RPS3: variants seen among roughly 807,000 people sequenced by gnomAD.
RPS3 encodes the protein small ribosomal subunit protein uS3.
A neutral mutation model predicts 25.8 loss-of-function variants in RPS3; 2 were observed. The observed-to-expected ratio is 0.08, with a 90% confidence interval of 0.03 to 0.24. The LOEUF (loss-of-function observed/expected upper bound fraction) is 0.24, where lower values mean the gene tolerates loss of function less well. Among genes scored for constraint, RPS3 ranks in the 10% least tolerant of loss-of-function variants. RPS3 has a pLI of 1.00. For missense variants in RPS3, 107 were observed against 307.1 expected (o/e 0.35, Z 4.87); for synonymous variants, 114 against 114.2 (o/e 1.00, Z 0.01).
At chr11:75,401,784 T>G (rs1473041514) in intron 3 of RPS3, 51 bp downstream of exon 3, 10 of 1,000,220 alleles carry the variant, frequency 1.0e-5, no homozygotes, top group Non-Finnish European at 1.6e-5. Context: ...GAATGATACT[T>G]CTAAAAACTC....
intron 6 of RPS3, among the ~76,000 whole-genome samples, chr11:75,413,247 A>AT (rs201608753): frequency 0.011 from 1,160 of 101,084 alleles, 7 homozygotes; most frequent in Non-Finnish European, 0.014. Context: ...ATATATATAT[A>AT]TATTTTTTTT....
intron 2 of RPS3, 26 bp downstream of exon 2, chr11:75,400,850 C>T (rs772877995): frequency 6.9e-6 from 11 of 1,599,154 alleles, no homozygotes; most frequent in African/African-American, 1.4e-5. Context: ...CTGGCCATCA[C>T]CTATAATTGT....
At position 75,419,073 on chromosome 11, in the gene RPS3, G is replaced by T. The variant is rs142842564; in HGVS notation, c.*4-2654G>T. ...CAGCAATAGGGCCACTTTCCTGCCAGAGGGGGTGGGTGCCAAAGGATGTGG... is the reference window on the plus strand; with the variant it reads ...CAGCAATAGGGCCACTTTCCTGCCATAGGGGGTGGGTGCCAAAGGATGTGG... On this transcript the variant is annotated intron_variant, in intron 6 of 6. Transcript: ENST00000527446. Among the ~76,000 whole-genome samples, 958 of 152,300 alleles carry T rather than the reference G, an allele frequency of 6.3e-3. 16 individuals carry two copies. Among genetic ancestry groups the T allele is most frequent in the South Asian group, 0.03 (144 of 4,828 alleles).
chr11:75,420,729 C>T (rs546446299), intron 6 of RPS3, among the ~76,000 whole-genome samples: 5 of 152,014 alleles, frequency 3.3e-5, no homozygotes, highest in Non-Finnish European at 7.4e-5. Flanking sequence ...CAAGGGGAAT[C>T]CTATGGGTGT....
intron 6 of RPS3, 164 bp from the exon 7 acceptor site, chr11:75,405,450 G>C (rs1267516386): frequency 3.1e-6 from 1 of 323,052 alleles, no homozygotes; most frequent in Non-Finnish European, 5.8e-6. Flanking sequence ...TGTCTCTCCA[G>C]GTGCCTTGTA....
downstream of RPS3, among the ~76,000 whole-genome samples, chr11:75,408,429 G>T (rs1350011970): frequency 6.6e-6 from 1 of 151,952 alleles, no homozygotes; most frequent in Non-Finnish European, 1.5e-5. Flanking sequence ...AGCCATAATT[G>T]TGCCACCACT....
At position 75,399,583 on chromosome 11, in the gene RPS3, C is replaced by T. The variant is rs17879266; in HGVS notation, c.30+6C>T. ...AAATATCCAAGAAGAGGAAGGTGAGCCTCTGGGGACTGGGTTCGGAGAACG... is the reference window on the plus strand; with the variant it reads ...AAATATCCAAGAAGAGGAAGGTGAGTCTCTGGGGACTGGGTTCGGAGAACG... On this transcript the variant is annotated splice_donor_region_variant and intron_variant, in intron 1 of 6. Coordinates refer to ENST00000531188, the MANE Select transcript of RPS3 (RefSeq NM_001005.5). The T allele has an allele frequency of 1.3e-3, 2,051 of 1,613,020 alleles. 21 individuals are homozygous for T. The Admixed American group carries it at 0.022, about 17-fold the overall frequency.
downstream of RPS3, among the ~76,000 whole-genome samples, chr11:75,409,944 A>AC (rs1403002320): frequency 8.1e-4 from 88 of 109,234 alleles, no homozygotes; most frequent in African/African-American, 2.4e-3. Context: ...CGGGGGGCTG[A>AC]CCCCCCCACC....
chr11:75,406,402 G>A lies in RPS3; in HGVS notation c.*792G>A, dbSNP rs1592026617. On this transcript the variant is annotated 3_prime_UTR_variant, in exon 7 of 7. Coordinates refer to ENST00000531188, the MANE Select transcript of RPS3 (RefSeq NM_001005.5). ...TCAGATGCTGGTTGATCACAGAGGG[G>A]ACTTCCAGGGAAAGCTGTTATCAGG... 1 of 152,222 alleles carries A rather than the reference G, an allele frequency of 6.6e-6. No individual in the cohort carries two copies. Among genetic ancestry groups the A allele is most frequent in the Non-Finnish European group, 1.5e-5 (1 of 68,044 alleles). The allele number at this position is 152,222 out of a possible 1,614,324, so 9.4% of individuals were successfully genotyped here.
chr11:75,409,380 G>A (rs1438368638), downstream of RPS3, among the ~76,000 whole-genome samples: 4 of 136,896 alleles, frequency 2.9e-5, no homozygotes, highest in African/African-American at 1.1e-4. Context: ...AGGGAGTGGT[G>A]ATGCCTCTTA....
chr11:75,402,339 G>A lies in RPS3; in HGVS notation c.256-13G>A, dbSNP rs749346137. On this transcript the variant is annotated splice_polypyrimidine_tract_variant and intron_variant, in intron 3 of 6. Transcript: ENST00000531188. Reference sequence around the variant, plus strand: ...TGGTGATGGTAACAGGATATCCCTTGCTTCCTTTAAAGCTTTATGCTGAAA... The same window carrying A: ...TGGTGATGGTAACAGGATATCCCTTACTTCCTTTAAAGCTTTATGCTGAAA... The A allele has an allele frequency of 5.0e-6, 8 of 1,612,868 alleles. No homozygotes were observed. The highest frequency in any genetic ancestry group is 6.8e-6 in the Non-Finnish European group (8 of 1,179,020).
intron 1 of RPS3, 78 bp downstream of exon 1, chr11:75,399,655 C>A (rs1948174015): frequency 1.5e-6 from 2 of 1,301,484 alleles, no homozygotes; most frequent in African/African-American, 1.5e-5. Flanking sequence ...ACCGCGAGGC[C>A]TGCAGCTCCG....
chr11:75,420,791 G>A (rs1056204668), intron 6 of RPS3, among the ~76,000 whole-genome samples: 1 of 151,930 alleles, frequency 6.6e-6, no homozygotes, highest in Admixed American at 6.6e-5. Context: ...CCATGTGCCC[G>A]GTGATAGAGG....
Position 75,400,660 on chromosome 11 carries a change from C to T in RPS3, c.31-34C>T, listed in dbSNP as rs1036782514. ...CAGGCGAAAGTGAGCCTACACCGATCTCCTAATTTTGAACTTTGCTTTGTT... is the reference window on the plus strand; with the variant it reads ...CAGGCGAAAGTGAGCCTACACCGATTTCCTAATTTTGAACTTTGCTTTGTT... On this transcript the variant is annotated intron_variant, in intron 1 of 6. Coordinates refer to ENST00000531188, the MANE Select transcript of RPS3 (RefSeq NM_001005.5). 3 of 1,606,102 alleles carry T rather than the reference C, an allele frequency of 1.9e-6. No homozygotes were observed. The African/African-American group carries it at 4.0e-5, about 22-fold the overall frequency.
chr11:75,417,049 T>C (rs994623384), intron 6 of RPS3, among the ~76,000 whole-genome samples: 1 of 152,244 alleles, frequency 6.6e-6, no homozygotes, highest in East Asian at 1.9e-4. Context: ...TTATATGCCC[T>C]GAGCTTGCTG....
chr11:75,409,525 C>T (rs1277605618), downstream of RPS3, among the ~76,000 whole-genome samples: 2 of 128,432 alleles, frequency 1.6e-5, no homozygotes, highest in African/African-American at 6.0e-5. Flanking sequence ...TCAACAGGAT[C>T]CCAAGGCAGA....
intron 6 of RPS3, among the ~76,000 whole-genome samples, chr11:75,415,516 T>C (rs920954260): frequency 1.3e-5 from 2 of 151,936 alleles, no homozygotes; most frequent in African/African-American, 4.8e-5. Flanking sequence ...CTACTAAAAA[T>C]ACAAAATTTA....
intron 1 of RPS3, chr11:75,400,487 C>T (rs1394592849): frequency 2.8e-6 from 2 of 710,222 alleles, no homozygotes; most frequent in Admixed American, 3.6e-5. Flanking sequence ...TTTAAAGAGC[C>T]CTGGTTGAAG....
intron 1 of RPS3, 32 bp from the exon 2 acceptor site, chr11:75,400,662 C>T (rs1430463807): frequency 6.2e-7 from 1 of 1,606,968 alleles, no homozygotes. Context: ...ACACCGATCT[C>T]CTAATTTTGA....
Sources: allele counts gnomAD v4.1 joint callset (sites outside exome capture counted in the v4.1 genomes callset), GRCh38; gene constraint gnomAD v4.1.1; transcripts MANE v1.5; gene names NCBI Gene and HGNC (gene_info 2026-07-23, HGNC 2026-07-21).